The following SKAP1 variants were observed in gnomAD, a reference collection of about 807,000 sequenced individuals.
SKAP1 encodes the protein src kinase associated phosphoprotein 1.
A neutral mutation model predicts 58.5 loss-of-function variants in SKAP1; 44 were observed. That is an observed-to-expected ratio of 0.75 (90% CI 0.59 to 0.97). SKAP1 has a LOEUF of 0.97. Ranked by LOEUF, SKAP1 falls within the 50% of genes least tolerant of loss-of-function variation. SKAP1 has a pLI of 0.00. For synonymous variants in SKAP1, 127 were observed against 149.7 expected (o/e 0.85, Z 1.11); for missense variants, 390 against 435.2 (o/e 0.90, Z 0.92).
chr17:48,139,048 T>G (rs1327916014), intron 11 of SKAP1, among the ~76,000 whole-genome samples: 1 of 151,088 alleles, frequency 6.6e-6, no homozygotes, highest in Non-Finnish European at 1.5e-5. Context: ...GCCCAGCTAA[T>G]TTTTGTATTT....
At chr17:48,344,339 C>G in intron 4 of SKAP1, 4 of 282,724 alleles carry the variant, frequency 1.4e-5, no homozygotes, top group Non-Finnish European at 1.6e-5. Flanking sequence ...AACCAAAACA[C>G]TGTATTGGTT....
chr17:48,170,932 C>T (rs964015268), intron 9 of SKAP1, among the ~76,000 whole-genome samples: 1 of 151,904 alleles, frequency 6.6e-6, no homozygotes, highest in East Asian at 1.9e-4. Context: ...GTCTTGAACT[C>T]CTGGCATCAG....
chr17:48,316,776 G>C (rs1358816874), intron 4 of SKAP1, among the ~76,000 whole-genome samples: 1 of 152,178 alleles, frequency 6.6e-6, no homozygotes, highest in Non-Finnish European at 1.5e-5. Context: ...TCACATGACA[G>C]AGACCACCAC....
At chr17:48,438,981 A>C in the SKAP1 span, among the ~76,000 whole-genome samples, 2 of 152,228 alleles carry the variant, frequency 1.3e-5, no homozygotes, top group Non-Finnish European at 2.9e-5. Context: ...AGAAATAGAA[A>C]ACATCATAAA....
chr17:48,371,831 T>C (rs951258915), intron 2 of SKAP1, among the ~76,000 whole-genome samples: 1 of 145,576 alleles, frequency 6.9e-6, no homozygotes, highest in African/African-American at 2.6e-5. Flanking sequence ...AGCAAGACCC[T>C]GTCTCAAAAA....
chr17:48,256,310 G>A (rs189439288), intron 4 of SKAP1, among the ~76,000 whole-genome samples: 50 of 152,078 alleles, frequency 3.3e-4, no homozygotes, highest in African/African-American at 1.1e-3. Flanking sequence ...ATTACATACA[G>A]ACTGAATGAT....
chr17:48,177,030 C>T (rs988639978), intron 9 of SKAP1, among the ~76,000 whole-genome samples: 2 of 152,106 alleles, frequency 1.3e-5, no homozygotes, highest in South Asian at 2.1e-4. Context: ...ATGTTAGAGG[C>T]CCACATCATT....
chr17:48,397,534 C>T (rs2067437210), intron 1 of SKAP1, among the ~76,000 whole-genome samples: 1 of 152,002 alleles, frequency 6.6e-6, no homozygotes, highest in South Asian at 2.1e-4. Context: ...CCTGGACTGT[C>T]AATTTCATAA....
intron 4 of SKAP1, among the ~76,000 whole-genome samples, chr17:48,257,229 ACTGAAGGATT>A (rs2065433314): frequency 6.6e-6 from 1 of 152,110 alleles, no homozygotes; most frequent in Non-Finnish European, 1.5e-5. Flanking sequence ...AGGTTATGAA[ACTGAAGGATT>A]CCTGACTTAC....
intron 4 of SKAP1, among the ~76,000 whole-genome samples, chr17:48,342,855 G>A (rs1203543751): frequency 6.6e-6 from 1 of 152,018 alleles, no homozygotes; most frequent in African/African-American, 2.4e-5. Flanking sequence ...CGCGGTGGCC[G>A]GCGCCTATAG....
chr17:48,409,027 C>A (rs1234103556), intron 1 of SKAP1, among the ~76,000 whole-genome samples: 2 of 152,182 alleles, frequency 1.3e-5, no homozygotes, highest in African/African-American at 4.8e-5. Flanking sequence ...AAAATAAAAT[C>A]TTTCCTAACA....
chr17:48,373,904 T>A (rs1478420020), intron 2 of SKAP1, among the ~76,000 whole-genome samples: 7 of 152,174 alleles, frequency 4.6e-5, no homozygotes, highest in Non-Finnish European at 1.0e-4. Flanking sequence ...GCAACTGAAG[T>A]ATTAAAAGTG....
intron 2 of SKAP1, among the ~76,000 whole-genome samples, chr17:48,387,586 C>T (rs1409187562): frequency 6.6e-6 from 1 of 152,142 alleles, no homozygotes; most frequent in Admixed American, 6.6e-5. Context: ...GTCCTAATAT[C>T]CCCTGAACAT....
At chr17:48,393,287 C>A (rs914526632) in intron 2 of SKAP1, among the ~76,000 whole-genome samples, 2 of 152,034 alleles carry the variant, frequency 1.3e-5, no homozygotes, top group Admixed American at 1.3e-4. Context: ...AAAATATTAG[C>A]CTTCATTGGT....
chr17:48,298,805 G>A (rs916154108), intron 4 of SKAP1, among the ~76,000 whole-genome samples: 2 of 152,208 alleles, frequency 1.3e-5, no homozygotes, highest in African/African-American at 4.8e-5. Flanking sequence ...CACTTTCCAT[G>A]TTAGTGGGGG....
At chr17:48,264,696 T>C (rs779218582) in intron 4 of SKAP1, among the ~76,000 whole-genome samples, 53 of 152,072 alleles carry the variant, frequency 3.5e-4, no homozygotes, top group Non-Finnish European at 6.5e-4. Flanking sequence ...TGAATCATTC[T>C]ATCTTTAAAT....
At chr17:48,320,140 T>C (rs72827830) in intron 4 of SKAP1, among the ~76,000 whole-genome samples, 23,254 of 152,064 alleles carry the variant, frequency 0.15, 2,423 homozygotes, top group Non-Finnish European at 0.22. Flanking sequence ...GAGTTTCCTA[T>C]TGATGATATC....
At chr17:48,191,175 T>C (rs1379651839) in intron 4 of SKAP1, among the ~76,000 whole-genome samples, 1 of 152,162 alleles carries the variant, frequency 6.6e-6, no homozygotes, top group African/African-American at 2.4e-5. Flanking sequence ...CTGGGGTTTA[T>C]ACTTACTTCA....
chr17:48,351,358 G>A (rs190942005), intron 3 of SKAP1, among the ~76,000 whole-genome samples: 1 of 152,188 alleles, frequency 6.6e-6, no homozygotes, highest in East Asian at 1.9e-4. Flanking sequence ...GTTAGTTCTT[G>A]TGATTAATCC....
Sources: gnomAD v4.1 joint callset for allele counts (sites outside exome capture counted in the v4.1 genomes callset) on GRCh38, gnomAD v4.1.1 for gene constraint, MANE v1.5 for transcripts, NCBI Gene and HGNC (gene_info 2026-07-23, HGNC 2026-07-21) for gene names.